The following SSPN variants were observed in gnomAD, a reference collection of about 807,000 sequenced individuals.
The protein encoded by SSPN is K-ras oncogene-associated protein.
SSPN carries 15 observed loss-of-function variants against 19.1 expected under a neutral mutation model. The ratio of observed to expected loss-of-function variants is 0.78; its 90% CI spans 0.52 to 1.21. The LOEUF (loss-of-function observed/expected upper bound fraction) is 1.21, where lower values mean the gene tolerates loss of function less well. Among genes scored for constraint, SSPN ranks in the 50% most tolerant of loss-of-function variants. The pLI, the probability that SSPN is intolerant of heterozygous loss-of-function variation, is 0.00. For missense variants in SSPN, 291 were observed against 314.0 expected (o/e 0.93, Z 0.55); for synonymous variants, 147 against 140.3 (o/e 1.05, Z -0.34).
In SSPN at chr12:26,231,435, G is replaced by A. The variant is rs114210444; in HGVS notation, c.*359G>A. On this transcript the variant is annotated 3_prime_UTR_variant, in exon 3 of 3. Coordinates refer to ENST00000242729, the MANE Select transcript of SSPN (RefSeq NM_005086.5). ...TTTCCTGTTAGTCCAGTTTGATGGTGTGAATGGTGAATTTCAGGCCCAGTT... is the reference window on the plus strand; with the variant it reads ...TTTCCTGTTAGTCCAGTTTGATGGTATGAATGGTGAATTTCAGGCCCAGTT... 380 of 183,670 alleles carry A rather than the reference G, an allele frequency of 2.1e-3. No individual in the cohort carries two copies. The highest frequency in any genetic ancestry group is 8.5e-3 in the African/African-American group (355 of 41,970). The allele number at this position is 183,670 out of a possible 1,614,324, so 11.4% of individuals were successfully genotyped here.
At chr12:26,182,912 G>A (rs548631412) in intron 1 of SSPN, among the ~76,000 whole-genome samples, 4 of 151,772 alleles carry the variant, frequency 2.6e-5, no homozygotes, top group South Asian at 2.1e-4. Context: ...ACAGGCACAC[G>A]CCACCACGGC....
chr12:26,167,928 G>GGGCAGCTGGGCATGA (rs1205303521), intron 1 of SSPN, among the ~76,000 whole-genome samples: 2 of 152,126 alleles, frequency 1.3e-5, no homozygotes, highest in Non-Finnish European at 2.9e-5. Flanking sequence ...TTAATAACAA[G>GGGCAGCTGGGCATGA]GGCAGCTGGG....
chr12:26,205,929 A>G (rs1219391002), intron 1 of SSPN, among the ~76,000 whole-genome samples: 1 of 152,218 alleles, frequency 6.6e-6, no homozygotes, highest in Non-Finnish European at 1.5e-5. Flanking sequence ...TCCATGAACA[A>G]GTAGTTTGAG....
At chr12:26,169,592 TA>T (rs199604625) in intron 1 of SSPN, among the ~76,000 whole-genome samples, 2,821 of 131,784 alleles carry the variant, frequency 0.021, 93 homozygotes, top group African/African-American at 0.089. Context: ...TATATATATA[TA>T]TTTTTTTTTC....
At chr12:26,139,957 A>G (rs2620702) in intron 1 of SSPN, among the ~76,000 whole-genome samples, 2,572 of 152,184 alleles carry the variant, frequency 0.017, 64 homozygotes, top group African/African-American at 0.059. Flanking sequence ...GTTTTCCTGG[A>G]TATGCTCTTG....
At chr12:26,219,493 T>G (rs1945096227) in intron 1 of SSPN, among the ~76,000 whole-genome samples, 1 of 152,184 alleles carries the variant, frequency 6.6e-6, no homozygotes, top group Non-Finnish European at 1.5e-5. Flanking sequence ...AAAAATGGAT[T>G]TAACATTCAG....
chr12:26,233,139 G>A lies in SSPN; in HGVS notation c.*2063G>A, dbSNP rs909297228. On this transcript the variant is annotated 3_prime_UTR_variant, in exon 3 of 3. Transcript: ENST00000242729. The surrounding 1 kb of genome is among the most constrained non-coding windows in gnomAD (Gnocchi z 4.3). Reference sequence around the variant, plus strand: ...ATTTCTTTAACAACAACATTTTATAGTGAACACTACAAGTTTTTATATTTA... The same window carrying A: ...ATTTCTTTAACAACAACATTTTATAATGAACACTACAAGTTTTTATATTTA... 7.8e-4 allele frequency: 119 copies of A among 152,066 alleles called. No homozygotes were observed. The highest frequency in any genetic ancestry group is 2.8e-3 in the African/African-American group (115 of 41,480). 9.4% of individuals were successfully genotyped at this position (152,066 alleles called of 1,614,324 possible).
chr12:26,201,029 A>AT lies in SSPN; in HGVS notation c.279+5079dup, dbSNP rs1387308576. On this transcript the variant is annotated intron_variant, in intron 1 of 2. Coordinates refer to ENST00000242729, the MANE Select transcript of SSPN (RefSeq NM_005086.5). ...AATTTGTGTATATATATATATATAT[A>AT]TATATATATATATATATTATATATA... Among the ~76,000 whole-genome samples, 161 of 38,622 alleles carry AT rather than the reference A, an allele frequency of 4.2e-3. 1 individual carries two copies. The highest frequency in any genetic ancestry group is 0.016 in the African/African-American group (151 of 9,298). 25.3% of individuals were successfully genotyped at this position (38,622 alleles called of 152,430 possible). A position where few individuals can be genotyped will look rare whatever the true frequency, so the allele number is the denominator to read the frequency against.
intron 1 of SSPN, chr12:26,122,612 T>TGCCGCCGCCGCCGCGCCGCCCCCCGG: frequency 8.8e-7 from 1 of 1,130,288 alleles, no homozygotes; most frequent in Non-Finnish European, 1.1e-6. Flanking sequence ...GAAGCGCGGC[T>TGCCGCCGCCGCCGCGCCGCCCCCCGG]GCCGCCGCCG....
chr12:26,122,452 A>G (rs1201759015), intron 1 of SSPN: 4 of 1,354,598 alleles, frequency 3.0e-6, no homozygotes, highest in Admixed American at 2.7e-5. Flanking sequence ...GCAGAAGGCG[A>G]GAGGAAGCAG....
In SSPN at chr12:26,195,897, G is replaced by A; in HGVS notation, c.225G>A (p.Ala75=). The part of the protein sequence containing the change: ...IAVTVVGFLM[A]SISSSLLVRD... ...TGACCGTGGTGGGCTTCCTCATGGC[G>A]AGCATCAGCTCCTCCCTGCTAGTCA... Residue 75 remains alanine (A), a synonymous_variant, in exon 1 of 3, where the codon GCG becomes GCA. Coordinates refer to ENST00000242729, the MANE Select transcript of SSPN (RefSeq NM_005086.5). The A allele has an allele frequency of 6.3e-7, 1 of 1,578,462 alleles. No homozygotes were observed. Among genetic ancestry groups the A allele is most frequent in the Non-Finnish European group, 8.6e-7 (1 of 1,165,164 alleles).
intron 1 of SSPN, among the ~76,000 whole-genome samples, chr12:26,196,229 G>A (rs1944829272): frequency 6.6e-6 from 1 of 152,194 alleles, no homozygotes; most frequent in African/African-American, 2.4e-5. Flanking sequence ...TTCAAAAGCT[G>A]CTTATTTTGG....
chr12:26,224,340 TC>T lies in SSPN; in HGVS notation c.328del (p.Gln110ArgfsTer12), dbSNP rs748002186. ...LGLFMLCVSY[Q>X]VDERTCIQFS... ...GCTTGTTTATGCTTTGTGTCTCATA[TC>T]AGGTTGACGAACGGACATGTATTCA... On this transcript the variant is annotated frameshift_variant, in exon 2 of 3. Transcript: ENST00000242729. LOFTEE classifies it high-confidence loss of function. The T allele has an allele frequency of 6.2e-7, 1 of 1,614,088 alleles. No individual in the cohort carries two copies. The highest frequency in any genetic ancestry group is 1.1e-5 in the South Asian group (1 of 91,086).
intron 1 of SSPN, among the ~76,000 whole-genome samples, chr12:26,160,737 T>G (rs1318288354): frequency 6.6e-6 from 1 of 152,114 alleles, no homozygotes; most frequent in Non-Finnish European, 1.5e-5. Context: ...ATCTTTCATC[T>G]TATCCTATGA....
At chr12:26,147,544 T>G (rs935856130) in intron 1 of SSPN, among the ~76,000 whole-genome samples, 1 of 152,180 alleles carries the variant, frequency 6.6e-6, no homozygotes, top group African/African-American at 2.4e-5. Flanking sequence ...GTGCTGAGAT[T>G]ACCAGCGTGA....
chr12:26,158,678 C>T (rs1235033423), intron 1 of SSPN, among the ~76,000 whole-genome samples: 4 of 152,260 alleles, frequency 2.6e-5, no homozygotes, highest in African/African-American at 9.6e-5. Context: ...TGCACACACA[C>T]AGCTGAGGTG....
rs754234401 is a variant in SSPN at position 26,122,728 on chromosome 12, C to T, written c.-31+576C>T. On this transcript the variant is annotated intron_variant, in intron 1 of 2. Coordinates refer to the SSPN transcript ENST00000538142. ...CCGGGAGGCTCCTGCTTGATGGTGA[C>T]GCGGCTCGCCCCCGCGCCTTTGCCT... 12 of 1,590,906 alleles carry T rather than the reference C, an allele frequency of 7.5e-6. No homozygotes were observed. Among genetic ancestry groups the T allele is most frequent in the South Asian group, 2.2e-5 (2 of 89,122 alleles).
At chr12:26,129,298 C>G (rs73082909) in intron 1 of SSPN, among the ~76,000 whole-genome samples, 19,943 of 152,162 alleles carry the variant, frequency 0.13, 1,398 homozygotes, top group African/African-American at 0.14. Flanking sequence ...AAGCAGAGTC[C>G]AAAACAATCT....
chr12:26,199,503 A>G (rs1012824560), intron 1 of SSPN, among the ~76,000 whole-genome samples: 1 of 152,252 alleles, frequency 6.6e-6, no homozygotes, highest in Non-Finnish European at 1.5e-5. Flanking sequence ...ATGACAAAAC[A>G]AAGTGAAATA....
Sources: allele counts gnomAD v4.1 joint callset (sites outside exome capture counted in the v4.1 genomes callset), GRCh38; gene constraint gnomAD v4.1.1; non-coding constraint Gnocchi (gnomAD v3.1); transcripts MANE v1.5; gene names NCBI Gene and HGNC (gene_info 2026-07-23, HGNC 2026-07-21).